Variants in CHD1 observed in about 807,000 individuals in gnomAD.
CHD1 encodes the protein chromodomain helicase DNA binding protein 1, also known as ATP-dependent chromatin remodeler CHD1.
A neutral mutation model predicts 224.2 loss-of-function variants in CHD1; 36 were observed. That is an observed-to-expected ratio of 0.16 (90% CI 0.12 to 0.21). The LOEUF (loss-of-function observed/expected upper bound fraction) is 0.21, where lower values mean the gene tolerates loss of function less well. CHD1 is among the 10% of genes least tolerant of loss of function. CHD1 has a pLI of 1.00. For synonymous variants in CHD1, 668 were observed against 658.3 expected (o/e 1.01, Z -0.23); for missense variants, 1,378 against 1,994.8 (o/e 0.69, Z 5.89).
At chr5:98,921,229 C>T (rs913746905) in intron 2 of CHD1, among the ~76,000 whole-genome samples, 1 of 152,170 alleles carries the variant, frequency 6.6e-6, no homozygotes, top group Non-Finnish European at 1.5e-5. Flanking sequence ...CAACAATCAT[C>T]AGTTGCCATT....
Position 98,901,144 on chromosome 5 carries a change from T to C in CHD1, c.587+42A>G, listed in dbSNP as rs376451717. ...AGAAACTATATACAAAAAGAACAAA[T>C]ACTTTCCACAATCAATTTTCAGCAC... On this transcript the variant is annotated intron_variant, in intron 6 of 35. Coordinates refer to ENST00000614616, the MANE Select transcript of CHD1 (RefSeq NM_001270.4). 1.9e-6 allele frequency: 3 copies of C among 1,584,638 alleles called. No individual in the cohort carries two copies. The African/African-American group carries it at 4.1e-5, about 22-fold the overall frequency.
At chr5:98,903,066 C>T (rs1751825449) in intron 4 of CHD1, 102 bp from the exon 5 acceptor site, 2 of 587,010 alleles carry the variant, frequency 3.4e-6, no homozygotes. Flanking sequence ...TTACAAATAA[C>T]AGCACTTGTG....
In CHD1 at chr5:98,901,029, T is replaced by G; in HGVS notation, c.641A>C (p.Asp214Ala). 2 of 1,610,392 alleles carry G rather than the reference T, an allele frequency of 1.2e-6. No homozygotes were observed. The highest frequency in any genetic ancestry group is 8.5e-7 in the Non-Finnish European group (1 of 1,179,020). Residue 214 changes from aspartate to alanine, a missense_variant, in exon 7 of 36, where the codon GAT becomes GCT. By Grantham distance (126) the Asp-to-Ala change is moderately radical (BLOSUM62 -2). Coordinates refer to ENST00000614616, the MANE Select transcript of CHD1 (RefSeq NM_001270.4). ...KILGQKKRQI[D>A]SSEEDDDEED... is the part of the protein sequence containing the mutation. ...TTCATCATCATCCTCCTCAGATGAATCAATCTGTCTCTTTTTTTGTCCAAG... is the reference window on the plus strand; with the variant it reads ...TTCATCATCATCCTCCTCAGATGAAGCAATCTGTCTCTTTTTTTGTCCAAG...
chr5:98,869,663 C>A (rs1749183598), intron 30 of CHD1, 91 bp downstream of exon 30: 7 of 1,307,000 alleles, frequency 5.4e-6, no homozygotes, highest in Admixed American at 1.9e-5. Flanking sequence ...GACTTCGGTA[C>A]CTAAAATATA....
rs1222093751 is a variant in CHD1 at position 98,889,256 on chromosome 5, T to C, written c.2181-18A>G. On this transcript the variant is annotated intron_variant, in intron 15 of 35. Transcript: ENST00000614616. ...AAATCCATCTTAAAAAAAAAAATTA[T>C]GAAAACGATGTTTAGCAGAACAATT... 5 of 1,527,296 alleles carry C rather than the reference T, an allele frequency of 3.3e-6. No individual in the cohort carries two copies. Among genetic ancestry groups the C allele is most frequent in the African/African-American group, 1.4e-5 (1 of 71,588 alleles). 94.6% of individuals were successfully genotyped at this position (1,527,296 alleles called of 1,614,324 possible). A position where few individuals can be genotyped will look rare whatever the true frequency, so the allele number is the denominator to read the frequency against.
intron 21 of CHD1, 51 bp downstream of exon 21, chr5:98,881,228 T>C (rs1436825147): frequency 2.2e-6 from 3 of 1,353,578 alleles, no homozygotes; most frequent in Non-Finnish European, 3.0e-6. Context: ...CTGTCAAATA[T>C]ATGACACATA....
intron 33 of CHD1, 100 bp from the exon 34 acceptor site, chr5:98,859,115 C>G: frequency 1.2e-6 from 1 of 844,908 alleles, no homozygotes; most frequent in Non-Finnish European, 1.9e-6. Context: ...GAAGTCTTCA[C>G]ACAAGATATT....
At chr5:98,904,373 T>C (rs1751916051) in intron 3 of CHD1, among the ~76,000 whole-genome samples, 1 of 152,228 alleles carries the variant, frequency 6.6e-6, no homozygotes, top group Non-Finnish European at 1.5e-5. Flanking sequence ...CACAGACTGG[T>C]ACTCTGAGTA....
chr5:98,896,082 G>C, intron 12 of CHD1, 144 bp downstream of exon 12: 1 of 649,010 alleles, frequency 1.5e-6, no homozygotes, highest in South Asian at 1.9e-5. Flanking sequence ...GCGTGCTCCT[G>C]TGGTCCCAGT....
intron 19 of CHD1, 39 bp downstream of exon 19, chr5:98,883,049 C>A: frequency 1.4e-5 from 17 of 1,177,996 alleles, no homozygotes; most frequent in South Asian, 2.5e-5. Context: ...AAAAAGAATT[C>A]TAAAACAGCA....
At chr5:98,895,163 T>C (rs928164895) in intron 12 of CHD1, among the ~76,000 whole-genome samples, 9 of 152,206 alleles carry the variant, frequency 5.9e-5, no homozygotes, top group African/African-American at 2.2e-4. Flanking sequence ...GTAAATCTTA[T>C]AAATAAAACA....
chr5:98,881,311 TA>T lies in CHD1; in HGVS notation c.2931del (p.Phe977LeufsTer16). On this transcript the variant is annotated frameshift_variant, in exon 21 of 36. Transcript: ENST00000614616. LOFTEE classifies it high-confidence loss of function. ...AILKFGAEEL[F>X]KEPEGEEQEP... is the part of the protein sequence containing the mutation. ...TCTTGTTCTTCTCCTTCAGGTTCCT[TA>T]AAAAGTTCTTCAGCACCAAACTTTA... 1 of 1,517,582 alleles carries T rather than the reference TA, an allele frequency of 6.6e-7. No homozygotes were observed. Among genetic ancestry groups the T allele is most frequent in the Admixed American group, 2.0e-5 (1 of 49,840 alleles). 94.0% of individuals were successfully genotyped at this position (1,517,582 alleles called of 1,614,324 possible). A position where few individuals can be genotyped will look rare whatever the true frequency, so the allele number is the denominator to read the frequency against.
intron 31 of CHD1, among the ~76,000 whole-genome samples, chr5:98,867,896 A>G (rs981374422): frequency 5.6e-5 from 8 of 143,284 alleles, no homozygotes; most frequent in Admixed American, 1.5e-4. Context: ...TCAGCCTTCC[A>G]GGTTCCAGCA....
At chr5:98,906,393 T>C (rs542238348) in intron 2 of CHD1, among the ~76,000 whole-genome samples, 1 of 152,334 alleles carries the variant, frequency 6.6e-6, no homozygotes, top group Non-Finnish European at 1.5e-5. Context: ...ATATTTTACT[T>C]GCATACCTTG....
intron 31 of CHD1, among the ~76,000 whole-genome samples, chr5:98,866,563 A>C (rs1748885268): frequency 6.6e-6 from 1 of 152,180 alleles, no homozygotes; most frequent in African/African-American, 2.4e-5. Flanking sequence ...CCCTCTTTGA[A>C]GTATAGCATT....
chr5:98,869,622 G>GCGCGCGCGCGCACACACACA (rs1554074391), intron 30 of CHD1, 132 bp downstream of exon 30: 5 of 717,984 alleles, frequency 7.0e-6, no homozygotes, highest in African/African-American at 3.9e-5. Flanking sequence ...ACGTGCGCGC[G>GCGCGCGCGCGCACACACACA]CACACACACA....
At position 98,855,156 on chromosome 5, in the gene CHD1, G is replaced by C. The variant is rs889090641; in HGVS notation, c.*1224C>G. 1.3e-5 allele frequency: 2 copies of C among 152,590 alleles called. No individual in the cohort carries two copies. Among genetic ancestry groups the C allele is most frequent in the Non-Finnish European group, 2.9e-5 (2 of 68,112 alleles). The allele number at this position is 152,590 out of a possible 1,614,324, so 9.5% of individuals were successfully genotyped here. A position where few individuals can be genotyped will look rare whatever the true frequency, so the allele number is the denominator to read the frequency against. On this transcript the variant is annotated 3_prime_UTR_variant, in exon 36 of 36. Transcript: ENST00000614616. Reference sequence around the variant, plus strand: ...TAGGGGGCGGTGGTGGTGGTGGTAAGTGCTTGAGGGAGTAAGAATGCAGCA... The same window carrying C: ...TAGGGGGCGGTGGTGGTGGTGGTAACTGCTTGAGGGAGTAAGAATGCAGCA...
intron 25 of CHD1, among the ~76,000 whole-genome samples, chr5:98,874,508 T>C (rs970682121): frequency 1.5e-5 from 2 of 134,256 alleles, no homozygotes; most frequent in Non-Finnish European, 3.1e-5. Context: ...TAGACCAACC[T>C]GGCCAATATG....
At chr5:98,894,721 A>C in intron 12 of CHD1, 35 bp from the exon 13 acceptor site, 1 of 913,490 alleles carries the variant, frequency 1.1e-6, no homozygotes, top group Non-Finnish European at 1.7e-6. Context: ...TTTTAAGACA[A>C]ACATCAAGCA....
Sources: allele counts gnomAD v4.1 joint callset (sites outside exome capture counted in the v4.1 genomes callset), GRCh38; gene constraint gnomAD v4.1.1; transcripts MANE v1.5; gene names NCBI Gene and HGNC (gene_info 2026-07-23, HGNC 2026-07-21).